The following COA1 variants were observed in gnomAD, a reference collection of about 807,000 sequenced individuals.
COA1 encodes cytochrome c oxidase assembly factor 1 homolog.
COA1 carries 13 observed loss-of-function variants against 16.0 expected under a neutral mutation model. That is an observed-to-expected ratio of 0.81 (90% CI 0.53 to 1.29). The LOEUF (loss-of-function observed/expected upper bound fraction) is 1.29. Ranked by LOEUF, COA1 falls within the 50% of genes most tolerant of loss-of-function variation. COA1 has a pLI of 0.00. For missense variants in COA1, 179 were observed against 177.0 expected (o/e 1.01, Z -0.06); for synonymous variants, 65 against 65.7 (o/e 0.99, Z 0.05).
At chr7:43,702,472 G>C (rs577969874) in intron 1 of COA1, among the ~76,000 whole-genome samples, 2 of 152,052 alleles carry the variant, frequency 1.3e-5, no homozygotes, top group Non-Finnish European at 2.9e-5. Flanking sequence ...CTTTCTACTG[G>C]TACTATGCTG....
intron 1 of COA1, among the ~76,000 whole-genome samples, chr7:43,728,364 TG>T (rs2095663950): frequency 6.6e-6 from 1 of 152,214 alleles, no homozygotes; most frequent in Admixed American, 6.5e-5. Context: ...TGTTTTGTTT[TG>T]TTTTCATTTT....
At position 43,639,446 on chromosome 7, in the gene COA1, T is replaced by C; in HGVS notation, c.*136A>G. The C allele has an allele frequency of 4.5e-6, 3 of 670,024 alleles. No homozygotes were observed. Among genetic ancestry groups the C allele is most frequent in the Non-Finnish European group, 8.1e-6 (3 of 370,938 alleles). The allele number at this position is 670,024 out of a possible 1,614,324, so 41.5% of individuals were successfully genotyped here. A position where few individuals can be genotyped will look rare whatever the true frequency, so the allele number is the denominator to read the frequency against. On this transcript the variant is annotated 3_prime_UTR_variant, in exon 6 of 6. Transcript: ENST00000223336. ...ACCAAAATTACCATGTGCTGGCACATACCATCATCCCACTGGTGGCTGGAA... is the reference window on the plus strand; with the variant it reads ...ACCAAAATTACCATGTGCTGGCACACACCATCATCCCACTGGTGGCTGGAA...
chr7:43,700,801 C>A (rs1478184687), intron 1 of COA1, among the ~76,000 whole-genome samples: 2 of 152,096 alleles, frequency 1.3e-5, no homozygotes, highest in African/African-American at 4.8e-5. Context: ...CCAAAACAAA[C>A]ACCTCCCTAC....
intron 1 of COA1, among the ~76,000 whole-genome samples, chr7:43,704,995 T>A (rs1423525639): frequency 6.6e-6 from 1 of 152,222 alleles, no homozygotes; most frequent in Non-Finnish European, 1.5e-5. Flanking sequence ...TTATATTCTT[T>A]GATGCTCCTG....
intron 4 of COA1, among the ~76,000 whole-genome samples, chr7:43,644,743 T>TAGATAGATAGAC (rs2088415885): frequency 8.1e-6 from 1 of 123,332 alleles, no homozygotes; most frequent in Non-Finnish European, 1.7e-5. Context: ...GATAGATAGA[T>TAGATAGATAGAC]AGATAGATAG....
At position 43,667,748 on chromosome 7, in the gene COA1, G is replaced by A. The variant is rs954929234; in HGVS notation, c.-38-19096C>T. Among the ~76,000 whole-genome samples the A allele has an allele frequency of 2.0e-5, 3 of 152,200 alleles. No homozygotes were observed. In the East Asian group the frequency reaches 5.8e-4, roughly 29 times the overall value. ...TGTTCACAAATATCAAGCAAAACAA[G>A]AGCTAATTAAATGGACTGGACTCAG... On this transcript the variant is annotated intron_variant, in intron 1 of 5. Coordinates refer to ENST00000223336, the MANE Select transcript of COA1 (RefSeq NM_018224.4).
chr7:43,693,794 C>G (rs574942322), intron 1 of COA1, among the ~76,000 whole-genome samples: 1 of 152,152 alleles, frequency 6.6e-6, no homozygotes, highest in East Asian at 1.9e-4. Context: ...TACTCTCTAC[C>G]TAATCCGAAC....
At chr7:43,612,121 T>C (rs2082935144) in intron 6 of COA1, among the ~76,000 whole-genome samples, 1 of 152,232 alleles carries the variant, frequency 6.6e-6, no homozygotes, top group Non-Finnish European at 1.5e-5. Context: ...TCTTTCCAGA[T>C]TCAGTAGAGG....
At chr7:43,610,819 CAAG>C (rs1563152533) in intron 6 of COA1, among the ~76,000 whole-genome samples, 1 of 151,270 alleles carries the variant, frequency 6.6e-6, no homozygotes, top group Non-Finnish European at 1.5e-5. Flanking sequence ...GGCGCACTCT[CAAG>C]AAGGAGTGTA....
chr7:43,728,468 T>G (rs922998575), intron 1 of COA1, among the ~76,000 whole-genome samples: 1 of 152,214 alleles, frequency 6.6e-6, no homozygotes, highest in African/African-American at 2.4e-5. Context: ...GTAAACCATA[T>G]AAAACTTTGC....
At chr7:43,712,779 TAGG>T (rs1015959294) in intron 1 of COA1, among the ~76,000 whole-genome samples, 11 of 152,194 alleles carry the variant, frequency 7.2e-5, no homozygotes, top group Admixed American at 3.9e-4. Flanking sequence ...GCCTACTTCT[TAGG>T]AGATTTCCTG....
At chr7:43,718,223 TG>T (rs1360786574) in intron 1 of COA1, among the ~76,000 whole-genome samples, 10 of 152,248 alleles carry the variant, frequency 6.6e-5, no homozygotes, top group African/African-American at 9.7e-5. Context: ...TAAGAATAAC[TG>T]TTAGCAGCAG....
At chr7:43,716,257 G>A (rs901367206) in intron 1 of COA1, among the ~76,000 whole-genome samples, 1 of 152,192 alleles carries the variant, frequency 6.6e-6, no homozygotes, top group Non-Finnish European at 1.5e-5. Context: ...ACACGAAAAT[G>A]TGGGAAGGTT....
At chr7:43,623,875 G>A (rs2084192906) in intron 6 of COA1, 2 of 1,547,514 alleles carry the variant, frequency 1.3e-6, no homozygotes, top group Admixed American at 2.0e-5. Flanking sequence ...GACACTTTTA[G>A]TTAAGAAACC....
intron 6 of COA1, among the ~76,000 whole-genome samples, chr7:43,610,346 CAAAAAAAA>C (rs138859141): frequency 1.9e-4 from 8 of 41,312 alleles, no homozygotes; most frequent in South Asian, 1.2e-3. Context: ...GACTCCGTCT[CAAAAAAAA>C]AAAAAAAAAA....
intron 6 of COA1, among the ~76,000 whole-genome samples, chr7:43,628,872 T>A (rs538202242): frequency 1.1e-4 from 16 of 152,336 alleles, no homozygotes; most frequent in African/African-American, 3.4e-4. Context: ...TTTGGTGAAA[T>A]CCAATTTATG....
chr7:43,667,131 G>A (rs2092940794), intron 1 of COA1, among the ~76,000 whole-genome samples: 1 of 152,194 alleles, frequency 6.6e-6, no homozygotes, highest in South Asian at 2.1e-4. Flanking sequence ...CCATGTCATG[G>A]TAAAGGCTAA....
At chr7:43,644,389 C>G (rs1407794113) in intron 4 of COA1, among the ~76,000 whole-genome samples, 1 of 152,008 alleles carries the variant, frequency 6.6e-6, no homozygotes, top group East Asian at 1.9e-4. Flanking sequence ...TGAGTGTGAT[C>G]AAGTACAAAA....
At chr7:43,720,613 T>C (rs1281053255) in intron 1 of COA1, among the ~76,000 whole-genome samples, 1 of 152,188 alleles carries the variant, frequency 6.6e-6, no homozygotes, top group Non-Finnish European at 1.5e-5. Flanking sequence ...AAAATCATTG[T>C]TCTGTGCAAC....
Sources: allele counts gnomAD v4.1 joint callset (sites outside exome capture counted in the v4.1 genomes callset), GRCh38; gene constraint gnomAD v4.1.1; transcripts MANE v1.5; gene names NCBI Gene and HGNC (gene_info 2026-07-23, HGNC 2026-07-21).